Variants in DYNLRB2 observed in about 807,000 individuals in gnomAD.
The protein encoded by DYNLRB2 is dynein light chain roadblock-type 2.
Under a neutral mutation model 12.6 loss-of-function variants are expected in DYNLRB2, and 14 were observed. That is an observed-to-expected ratio of 1.11 (90% CI 0.73 to 1.73). The LOEUF (loss-of-function observed/expected upper bound fraction) is 1.73, where lower values mean the gene tolerates loss of function less well. Among genes scored for constraint, DYNLRB2 ranks in the 40% most tolerant of loss-of-function variants. The pLI is 0.00. For synonymous variants in DYNLRB2, 53 were observed against 37.0 expected, an observed-to-expected ratio of 1.43 and a Z score of -1.57; for missense variants, 142 against 117.7, an observed-to-expected ratio of 1.21 and a Z score of -0.95.
intron 2 of DYNLRB2, chr16:80,544,782 C>T (rs1285506283): frequency 1.3e-5 from 2 of 152,220 alleles, no homozygotes; most frequent in African/African-American, 4.8e-5. Context: ...CATTCCTTAC[C>T]TCTTCCTAGC....
At chr16:80,547,450 T>A (rs1904543813) in intron 2 of DYNLRB2, among the ~76,000 whole-genome samples, 1 of 152,198 alleles carries the variant, frequency 6.6e-6, no homozygotes, top group Non-Finnish European at 1.5e-5. Flanking sequence ...GTTGATTGAT[T>A]TTTTCCAAGT....
intron 2 of DYNLRB2, among the ~76,000 whole-genome samples, chr16:80,547,023 G>A (rs1388790632): frequency 6.6e-6 from 1 of 152,214 alleles, no homozygotes; most frequent in Non-Finnish European, 1.5e-5. Context: ...ATGTATAAAT[G>A]TGAAATGAGA....
At chr16:80,541,374 G>C (rs1276474402) in intron 1 of DYNLRB2, 30 of 984,662 alleles carry the variant, frequency 3.0e-5, no homozygotes, top group Non-Finnish European at 3.6e-5. Context: ...GCTCAGGGGA[G>C]TGAGAAATCC....
chr16:80,550,499 A>T lies in DYNLRB2; in HGVS notation c.248-16A>T. 1 of 1,613,848 alleles carries T rather than the reference A, an allele frequency of 6.2e-7. No homozygotes were observed. The highest frequency in any genetic ancestry group is 1.1e-5 in the South Asian group (1 of 91,062). Reference sequence around the variant, plus strand: ...TTTAAATTAAGGGTGAATTGATTTTATCCATCTCTCCATAGATAAGGAATA... The same window carrying T: ...TTTAAATTAAGGGTGAATTGATTTTTTCCATCTCTCCATAGATAAGGAATA... On this transcript the variant is annotated splice_polypyrimidine_tract_variant and intron_variant, in intron 3 of 3. Transcript: ENST00000305904.
chr16:80,542,750 C>T (rs1904299070), intron 1 of DYNLRB2, among the ~76,000 whole-genome samples: 1 of 152,140 alleles, frequency 6.6e-6, no homozygotes, highest in Non-Finnish European at 1.5e-5. Context: ...TCCTGGAATA[C>T]TTTGTTTTTA....
chr16:80,540,859 G>A, upstream of DYNLRB2: 1 of 800,104 alleles, frequency 1.2e-6, no homozygotes, highest in Non-Finnish European at 2.1e-6. Context: ...CCTCAGGTGA[G>A]CGCCTGCTCC....
At chr16:80,548,929 G>A in intron 2 of DYNLRB2, 2 of 456,008 alleles carry the variant, frequency 4.4e-6, no homozygotes, top group South Asian at 3.1e-5. Context: ...ATCCCTTTAT[G>A]TTTGTGGCCT....
In DYNLRB2 at chr16:80,543,281, G is replaced by C. The variant is rs781405892; in HGVS notation, c.9G>C (p.Glu3Asp). ...ATCTTCCTGGTCTCTTTCAGGCAGA[G>C]GTGGAGGAAACCTTAAAGAGGATCC... MA[E>D]VEETLKRIQS... The change falls in exon 2 of 4, where the codon GAG becomes GAC. Residue 3 changes from glutamate to aspartate, a missense_variant. Glu to Asp is a conservative substitution (Grantham distance 45, BLOSUM62 2). Coordinates refer to ENST00000305904, the MANE Select transcript of DYNLRB2 (RefSeq NM_130897.3). 1.1e-5 allele frequency: 17 copies of C among 1,613,932 alleles called. No individual in the cohort carries two copies. Among genetic ancestry groups the C allele is most frequent in the Admixed American group, 1.7e-5 (1 of 60,024 alleles).
chr16:80,550,065 A>G (rs1042102929), intron 3 of DYNLRB2, among the ~76,000 whole-genome samples: 4 of 152,242 alleles, frequency 2.6e-5, no homozygotes, highest in African/African-American at 9.6e-5. Context: ...ACCAGAAGAC[A>G]TCAGCCACAG....
intron 2 of DYNLRB2, among the ~76,000 whole-genome samples, chr16:80,547,142 C>G (rs566161469): frequency 6.6e-6 from 1 of 152,152 alleles, no homozygotes; most frequent in African/African-American, 2.4e-5. Context: ...CCCATTCAAC[C>G]GACTGTTATT....
In DYNLRB2 at chr16:80,549,516, A is replaced by G. The variant is rs1481176295; in HGVS notation, c.112A>G (p.Thr38Ala). The change falls in exon 3 of 4, where the codon ACA (threonine) becomes GCA (alanine). Residue 38 changes from threonine (T) to alanine (A), a missense_variant. Coordinates refer to ENST00000305904, the MANE Select transcript of DYNLRB2 (RefSeq NM_130897.3). ...IPIRTTLDNS[T>A]TVQYAGLLHH... ...CATCCGAACAACCTTGGACAACTCAACAACTGTTCAATATGCAGGCCTTCT... is the reference window on the plus strand; with the variant it reads ...CATCCGAACAACCTTGGACAACTCAGCAACTGTTCAATATGCAGGCCTTCT... The G allele has an allele frequency of 1.2e-6, 2 of 1,612,366 alleles. No individual in the cohort carries two copies. Among genetic ancestry groups the G allele is most frequent in the Admixed American group, 3.3e-5 (2 of 59,956 alleles).
At chr16:80,543,497 C>G in intron 2 of DYNLRB2, 146 bp downstream of exon 2, 1 of 734,378 alleles carries the variant, frequency 1.4e-6, no homozygotes, top group Non-Finnish European at 2.2e-6. Context: ...TACCAAACAT[C>G]TATTGAGTAT....
Position 80,544,656 on chromosome 16 carries a change from A to C in DYNLRB2, c.79+1305A>C, listed in dbSNP as rs182410404. The C allele has an allele frequency of 6.6e-5, 10 of 152,350 alleles. No homozygotes were observed. In the East Asian group the frequency reaches 1.7e-3, roughly 26 times the overall value. 9.4% of individuals were successfully genotyped at this position (152,350 alleles called of 1,614,324 possible). ...TCCTTTGGCTACAGTAACAAACTAC[A>C]ACATGCCTGTTAACTTAAAACAACA... On this transcript the variant is annotated intron_variant, in intron 2 of 3. Transcript: ENST00000305904.
chr16:80,547,930 C>A lies in DYNLRB2; in HGVS notation c.80-1554C>A, dbSNP rs371351141. On this transcript the variant is annotated intron_variant, in intron 2 of 3. Transcript: ENST00000305904. ...GTTTAGCAAAACATTCTGGACATAG[C>A]AGTTATCTTAAAAGAAAGAGAAATC... 2.2e-4 allele frequency: 81 copies of A among 362,280 alleles called. No individual in the cohort carries two copies. In the East Asian group the frequency reaches 3.7e-3, roughly 17 times the overall value. The allele number at this position is 362,280 out of a possible 1,614,324, so 22.4% of individuals were successfully genotyped here. A position where few individuals can be genotyped will look rare whatever the true frequency, so the allele number is the denominator to read the frequency against.
intron 1 of DYNLRB2, 31 bp downstream of exon 1, chr16:80,541,110 C>T: frequency 6.2e-7 from 1 of 1,605,600 alleles, no homozygotes; most frequent in Non-Finnish European, 8.5e-7. Context: ...CACGCCCCGC[C>T]GTTCCAAGCA....
intron 2 of DYNLRB2, among the ~76,000 whole-genome samples, chr16:80,548,464 C>T (rs112095050): frequency 3.2e-3 from 492 of 152,212 alleles, no homozygotes; most frequent in African/African-American, 0.011. Context: ...TGGTGGCTCA[C>T]GCCTGTAAAC....
chr16:80,543,334 T>C lies in DYNLRB2; in HGVS notation c.62T>C (p.Met21Thr). ...IQSHKGVIGTMVVNAEGIPIR... is the reference protein window; with the variant it reads ...IQSHKGVIGTTVVNAEGIPIR... ...AGTCATAAAGGGGTTATTGGAACTATGGTTGTAAATGCAGAAGGTAAATAT... is the reference window on the plus strand; with the variant it reads ...AGTCATAAAGGGGTTATTGGAACTACGGTTGTAAATGCAGAAGGTAAATAT... The change falls in exon 2 of 4, where the codon ATG (methionine) becomes ACG (threonine). Residue 21 changes from methionine (M) to threonine (T), a missense_variant. By Grantham distance (81) the Met-to-Thr change is moderately conservative. Coordinates refer to ENST00000305904, the MANE Select transcript of DYNLRB2 (RefSeq NM_130897.3). The C allele has an allele frequency of 6.2e-7, 1 of 1,614,042 alleles. No individual in the cohort carries two copies. Among genetic ancestry groups the C allele is most frequent in the Non-Finnish European group, 8.5e-7 (1 of 1,179,906 alleles).
intron 2 of DYNLRB2, among the ~76,000 whole-genome samples, chr16:80,548,688 C>T (rs1419761848): frequency 6.7e-6 from 1 of 149,400 alleles, no homozygotes; most frequent in Non-Finnish European, 1.5e-5. Context: ...TGCCGTCGCA[C>T]TCCAGCCTGG....
chr16:80,550,554 A>T lies in DYNLRB2; in HGVS notation c.287A>T (p.Glu96Val). The change falls in exon 4 of 4, where the codon GAA becomes GTA. Residue 96 changes from glutamate to valine, a missense_variant. Transcript: ENST00000305904. ...YLLIVIQNPC[E>V] ...CTGATCGTCATTCAGAATCCATGTG[A>T]ATAGACCTGCGATGGCCAAGGCTGT... The T allele has an allele frequency of 6.2e-7, 1 of 1,614,214 alleles. No individual in the cohort carries two copies. The highest frequency in any genetic ancestry group is 1.1e-5 in the South Asian group (1 of 91,090).
Sources: gnomAD v4.1 joint callset for allele counts (sites outside exome capture counted in the v4.1 genomes callset) on GRCh38, gnomAD v4.1.1 for gene constraint, MANE v1.5 for transcripts, NCBI Gene and HGNC (gene_info 2026-07-23, HGNC 2026-07-21) for gene names.